PPM1J: variants seen among roughly 807,000 people sequenced by gnomAD.
PPM1J encodes protein phosphatase 1J.
A neutral mutation model predicts 53.3 loss-of-function variants in PPM1J; 43 were observed. The observed-to-expected ratio is 0.81, with a 90% CI of 0.63 to 1.04. The LOEUF (loss-of-function observed/expected upper bound fraction) is 1.04. Among genes scored for constraint, PPM1J ranks in the 50% least tolerant of loss-of-function variants. The pLI is 0.00. For synonymous variants in PPM1J, 267 were observed against 286.4 expected (o/e 0.93, Z 0.68); for missense variants, 635 against 685.9 (o/e 0.93, Z 0.83).
rs1204711634 is a variant in PPM1J at position 112,711,997 on chromosome 1, T to A, written c.901A>T (p.Thr301Ser). The A allele has an allele frequency of 1.2e-6, 2 of 1,608,980 alleles. No individual in the cohort carries two copies. The highest frequency in any genetic ancestry group is 1.3e-5 in the African/African-American group (1 of 74,750). Residue 301 changes from threonine (T) to serine (S), a missense_variant, in exon 5 of 10, where the codon ACT becomes TCT. By Grantham distance (58) the Thr-to-Ser change is moderately conservative. Coordinates refer to ENST00000309276, the MANE Select transcript of PPM1J (RefSeq NM_005167.7). ...AGCAGCTGAAGACGCTGGCGCTCAG[T>A]CTCCGGGGTAAACTCCCGGGACATT... The part of the protein sequence containing the change: ...IPMSREFTPE[T>S]ERQRLQLLGF...
chr1:112,710,787 C>T lies in PPM1J; in HGVS notation c.1175G>A (p.Ser392Asn), dbSNP rs756970829. ...GLGDHSLKVCSSTLPIKPFLS... is the reference protein window; with the variant it reads ...GLGDHSLKVCNSTLPIKPFLS... ...AAAGGGCTTGATGGGCAGGGTGGAA[C>T]TGCAGACCTTAAGGCTGTGGTCTCC... Residue 392 changes from serine to asparagine, a missense_variant, in exon 8 of 10, where the codon AGT (serine) becomes AAT (asparagine). Coordinates refer to ENST00000309276, the MANE Select transcript of PPM1J (RefSeq NM_005167.7). 2 of 1,614,080 alleles carry T rather than the reference C, an allele frequency of 1.2e-6. No individual in the cohort carries two copies. Among genetic ancestry groups the T allele is most frequent in the Non-Finnish European group, 8.5e-7 (1 of 1,179,962 alleles).
At chr1:112,711,459 T>A in intron 5 of PPM1J, 75 bp from the exon 6 acceptor site, 1 of 829,144 alleles carries the variant, frequency 1.2e-6, no homozygotes, top group Non-Finnish European at 2.0e-6. Flanking sequence ...ACAGATGACG[T>A]TGACTACAGC....
chr1:112,713,112 A>T (rs1675113046), intron 2 of PPM1J, 81 bp from the exon 3 acceptor site: 3 of 1,244,052 alleles, frequency 2.4e-6, no homozygotes, highest in Non-Finnish European at 3.3e-6. Flanking sequence ...CAAGGTGAAT[A>T]ACAAGACTCT....
Position 112,715,258 on chromosome 1 carries a change from G to A in PPM1J, c.44C>T (p.Ser15Phe), listed in dbSNP as rs1675175103. The A allele has an allele frequency of 7.4e-7, 1 of 1,359,836 alleles. No homozygotes were observed. The highest frequency in any genetic ancestry group is 9.4e-7 in the Non-Finnish European group (1 of 1,064,526). The allele number at this position is 1,359,836 out of a possible 1,614,324, so 84.2% of individuals were successfully genotyped here. A position where few individuals can be genotyped will look rare whatever the true frequency, so the allele number is the denominator to read the frequency against. The stretch of plus-strand genomic sequence containing the variant: ...GGGGCGCGGAGGCGGAGCGCCCCCG[G>A]AGCTCACCAGGTGCGCCACGGCCGA... ...VRSAVAHLVS[S>F]GGAPPPRPKS... Residue 15 changes from serine to phenylalanine, a missense_variant, in exon 1 of 10, where the codon TCC becomes TTC. Coordinates refer to ENST00000309276, the MANE Select transcript of PPM1J (RefSeq NM_005167.7). This position sits in a 1 kb window ranked among gnomAD's most constrained non-coding sequence, Gnocchi z 4.4.
At position 112,711,568 on chromosome 1, in the gene PPM1J, T is replaced by C. The variant is rs913429212; in HGVS notation, c.928-184A>G. On this transcript the variant is annotated intron_variant, in intron 5 of 9. Coordinates refer to ENST00000309276, the MANE Select transcript of PPM1J (RefSeq NM_005167.7). Reference sequence around the variant, plus strand: ...ACAACAGCCCTTAAGGCAGGAACTATTGATGCACAGAGAGGTTAAGGGAGG... The same window carrying C: ...ACAACAGCCCTTAAGGCAGGAACTACTGATGCACAGAGAGGTTAAGGGAGG... The C allele has an allele frequency of 2.2e-5, 13 of 586,714 alleles. No individual in the cohort carries two copies. The Admixed American group carries it at 2.8e-4, about 12-fold the overall frequency. 36.3% of individuals were successfully genotyped at this position (586,714 alleles called of 1,614,324 possible). A position where few individuals can be genotyped will look rare whatever the true frequency, so the allele number is the denominator to read the frequency against.
intron 3 of PPM1J, 136 bp downstream of exon 3, chr1:112,712,608 C>T: frequency 8.8e-7 from 1 of 1,141,456 alleles, no homozygotes; most frequent in African/African-American, 1.5e-5. Context: ...ACTGCCCCTT[C>T]TCCCTCCCCT....
chr1:112,711,416 AG>A, intron 5 of PPM1J, 32 bp from the exon 6 acceptor site: 1 of 1,380,736 alleles, frequency 7.2e-7, no homozygotes, highest in Non-Finnish European at 1.0e-6. Flanking sequence ...ACAGAGAGCC[AG>A]GGGGCATTAT....
intron 5 of PPM1J, 80 bp downstream of exon 5, chr1:112,711,891 G>A (rs1232296681): frequency 4.1e-6 from 4 of 982,624 alleles, no homozygotes; most frequent in Non-Finnish European, 6.1e-6. Context: ...GTGGGGGTGT[G>A]AGAGTTCTCA....
In PPM1J at chr1:112,715,050, A is replaced by C; in HGVS notation, c.252T>G (p.Asp84Glu). Reference protein sequence around the residue: ...QLSPGGLRRADDHAGRAVQSP... With the variant: ...QLSPGGLRRAEDHAGRAVQSP... ...TTTGCACAGCCCGGCCCGCGTGGTC[A>C]TCGGCGCGTCGCAGCCCCCCGGGGC... Residue 84 changes from aspartate to glutamate, a missense_variant, in exon 1 of 10, where the codon GAT becomes GAG. Transcript: ENST00000309276. This position sits in a 1 kb window ranked among gnomAD's most constrained non-coding sequence, Gnocchi z 4.4. The C allele has an allele frequency of 1.3e-6, 2 of 1,536,256 alleles. No homozygotes were observed. Among genetic ancestry groups the C allele is most frequent in the Non-Finnish European group, 1.7e-6 (2 of 1,150,338 alleles).
Position 112,710,624 on chromosome 1 carries a change from A to G in PPM1J, c.1219-13T>C. 2 of 1,614,032 alleles carry G rather than the reference A, an allele frequency of 1.2e-6. No homozygotes were observed. Among genetic ancestry groups the G allele is most frequent in the Non-Finnish European group, 8.5e-7 (1 of 1,179,962 alleles). ...CATACACTCGTACCTGGTGGGAGAAAAGGGCAGAGAGGATTGAGGTGTGGG... is the reference window on the plus strand; with the variant it reads ...CATACACTCGTACCTGGTGGGAGAAGAGGGCAGAGAGGATTGAGGTGTGGG... On this transcript the variant is annotated splice_polypyrimidine_tract_variant and intron_variant, in intron 8 of 9. Transcript: ENST00000309276.
At chr1:112,713,886 CA>C (rs372461399) in intron 1 of PPM1J, among the ~76,000 whole-genome samples, 16 of 143,696 alleles carry the variant, frequency 1.1e-4, no homozygotes, top group Middle Eastern at 3.5e-3. Flanking sequence ...CCATCCCTGG[CA>C]AAAAAAAAAG....
At position 112,713,553 on chromosome 1, in the gene PPM1J, AC is replaced by A. The variant is rs1675124847; in HGVS notation, c.384del (p.Tyr129MetfsTer53). Reference protein sequence around the residue: ...HNEDQACCEVVYVEGRRSVTG... With the variant: ...HNEDQACCEVXYVEGRRSVTG... ...GTAACACTCCTCCGACCTTCCACATACACCACTTCACAGCAAGCCTGGTCCT... is the reference window on the plus strand; with the variant it reads ...GTAACACTCCTCCGACCTTCCACATAACCACTTCACAGCAAGCCTGGTCCT... On this transcript the variant is annotated frameshift_variant, in exon 2 of 10. Transcript: ENST00000309276. LOFTEE classifies it high-confidence loss of function. 17 of 1,614,056 alleles carry A rather than the reference AC, an allele frequency of 1.1e-5. No individual in the cohort carries two copies. The highest frequency in any genetic ancestry group is 1.4e-5 in the Non-Finnish European group (17 of 1,180,012).
At chr1:112,713,058 T>TTTTG in intron 2 of PPM1J, 27 bp from the exon 3 acceptor site, 2 of 1,497,442 alleles carry the variant, frequency 1.3e-6, no homozygotes, top group Non-Finnish European at 8.9e-7. Context: ...TGGAGGTGAG[T>TTTTG]TTTGTTTGTG....
chr1:112,712,519 C>T, intron 3 of PPM1J, 62 bp from the exon 4 acceptor site: 1 of 1,407,366 alleles, frequency 7.1e-7, no homozygotes, highest in Non-Finnish European at 9.9e-7. Flanking sequence ...CAGTCACCCT[C>T]CCCCTACCCC....
At position 112,710,028 on chromosome 1, in the gene PPM1J, G is replaced by A. The variant is rs188914364; in HGVS notation, c.*135C>T. On this transcript the variant is annotated 3_prime_UTR_variant, in exon 10 of 10. Coordinates refer to ENST00000309276, the MANE Select transcript of PPM1J (RefSeq NM_005167.7). ...CCATCTCGTTTATTTGCCAATAGCTGTAATTTTGGATATAGCGGACATCCC... is the reference window on the plus strand; with the variant it reads ...CCATCTCGTTTATTTGCCAATAGCTATAATTTTGGATATAGCGGACATCCC... The A allele has an allele frequency of 8.9e-5, 129 of 1,455,854 alleles. No individual in the cohort carries two copies. In the East Asian group the frequency reaches 2.4e-3, roughly 27 times the overall value. The allele number at this position is 1,455,854 out of a possible 1,614,324, so 90.2% of individuals were successfully genotyped here. A position where few individuals can be genotyped will look rare whatever the true frequency, so the allele number is the denominator to read the frequency against.
intron 1 of PPM1J, chr1:112,714,656 C>T: frequency 8.4e-7 from 1 of 1,186,518 alleles, no homozygotes; most frequent in Non-Finnish European, 1.0e-6. Flanking sequence ...GCTGCCGGGC[C>T]GCGACGGGGA....
Position 112,710,780 on chromosome 1 carries a change from G to A in PPM1J, c.1182C>T (p.Thr394=), listed in dbSNP as rs140887742. The A allele has an allele frequency of 6.6e-5, 106 of 1,614,092 alleles. No individual in the cohort carries two copies. In the African/African-American group the frequency reaches 1.2e-3, roughly 18 times the overall value. ...AGGAGAGAAAGGGCTTGATGGGCAG[G>A]GTGGAACTGCAGACCTTAAGGCTGT... ...GDHSLKVCSS[T]LPIKPFLSCF... Residue 394 remains threonine (T), a synonymous_variant, in exon 8 of 10, where the codon ACC becomes ACT. Coordinates refer to ENST00000309276, the MANE Select transcript of PPM1J (RefSeq NM_005167.7).
At position 112,715,042 on chromosome 1, in the gene PPM1J, G is replaced by T; in HGVS notation, c.260C>A (p.Ala87Glu). The T allele has an allele frequency of 6.5e-7, 1 of 1,530,788 alleles. No individual in the cohort carries two copies. Among genetic ancestry groups the T allele is most frequent in the Non-Finnish European group, 8.7e-7 (1 of 1,147,602 alleles). 94.8% of individuals were successfully genotyped at this position (1,530,788 alleles called of 1,614,324 possible). The change falls in exon 1 of 10, where the codon GCG becomes GAG. Residue 87 changes from alanine to glutamate, a missense_variant. Physicochemically the swap from Ala to Glu is moderately radical, Grantham distance 107. Transcript: ENST00000309276. The surrounding 1 kb of genome is among the most constrained non-coding windows in gnomAD (Gnocchi z 4.4). ...PGGLRRADDHAGRAVQSPPDT... is the reference protein window; with the variant it reads ...PGGLRRADDHEGRAVQSPPDT... ...CGGGGGGCTTTGCACAGCCCGGCCC[G>T]CGTGGTCATCGGCGCGTCGCAGCCC...
chr1:112,713,510 G>A lies in PPM1J; in HGVS notation c.428C>T (p.Pro143Leu). ...GATGGGTCTTACCTGGCCTCGGCTA[G>A]GCTCCCTAGGTACTCCTGTAACACT... ...RRSVTGVPRE[P>L]SRGQGLCFYY... The change falls in exon 2 of 10, where the codon CCT becomes CTT. Residue 143 changes from proline (P) to leucine (L), a missense_variant. Pro to Leu is a moderately conservative substitution (Grantham distance 98, BLOSUM62 -3). Coordinates refer to ENST00000309276, the MANE Select transcript of PPM1J (RefSeq NM_005167.7). The A allele has an allele frequency of 6.2e-7, 1 of 1,612,980 alleles. No individual in the cohort carries two copies. The highest frequency in any genetic ancestry group is 1.1e-5 in the South Asian group (1 of 91,058).
Sources: gnomAD v4.1 joint callset for allele counts (sites outside exome capture counted in the v4.1 genomes callset) on GRCh38, gnomAD v4.1.1 for gene constraint, Gnocchi (gnomAD v3.1) non-coding constraint, MANE v1.5 for transcripts, NCBI Gene and HGNC (gene_info 2026-07-23, HGNC 2026-07-21) for gene names.